ACP5: variants seen among roughly 807,000 people sequenced by gnomAD.
ACP5 encodes acid phosphatase 5, tartrate resistant.
ACP5 carries 24 observed loss-of-function variants against 28.7 expected under a neutral mutation model. The observed-to-expected ratio is 0.84, with a 90% CI of 0.61 to 1.18. ACP5 has a LOEUF of 1.18. Ranked by LOEUF, ACP5 falls within the 50% of genes most tolerant of loss-of-function variation. The probability of loss-of-function intolerance (pLI) is 0.00; values close to 1 mark genes in which losing one functional copy is unlikely to be tolerated. For missense variants in ACP5, 354 were observed against 422.2 expected, an observed-to-expected ratio of 0.84 and a Z score of 1.42; for synonymous variants, 154 against 181.4, an observed-to-expected ratio of 0.85 and a Z score of 1.21.
In ACP5 at chr19:11,577,472, G is replaced by T; in HGVS notation, c.-1+121C>A. On this transcript the variant is annotated intron_variant, in intron 1 of 4. Transcript: ENST00000648477. The surrounding 1 kb of genome is among the most constrained non-coding windows in gnomAD (Gnocchi z 5.7). ...CCCTAATTCTCAGGACACACAAGCT[G>T]CACAAGGCTGCACAAGCTGGCTTAG... The T allele has an allele frequency of 4.9e-6, 4 of 823,286 alleles. No homozygotes were observed. Among genetic ancestry groups the T allele is most frequent in the Non-Finnish European group, 7.9e-6 (4 of 505,478 alleles). The allele number at this position is 823,286 out of a possible 1,614,324, so 51.0% of individuals were successfully genotyped here. A position where few individuals can be genotyped will look rare whatever the true frequency, so the allele number is the denominator to read the frequency against.
intron 4 of ACP5, 48 bp from the exon 5 acceptor site, chr19:11,575,300 G>C: frequency 6.2e-7 from 1 of 1,611,002 alleles, no homozygotes; most frequent in Non-Finnish European, 8.5e-7. Flanking sequence ...TTTGAGCAGA[G>C]CCCTGCCTAA....
chr19:11,576,909 G>A (rs772661435), intron 2 of ACP5, 66 bp from the exon 3 acceptor site: 16 of 1,612,892 alleles, frequency 9.9e-6, no homozygotes, highest in Middle Eastern at 1.7e-4. Context: ...CTCCCACCAA[G>A]TCAGGATAAG....
chr19:11,575,211 C>A lies in ACP5; in HGVS notation c.777G>T (p.Gly259=), dbSNP rs368442469. ...TTGAGGGGTCCATGAAATTCCCAGC[C>A]CCACTCAGCACGTAGCCCACGCCAT... ...DENGVGYVLS[G]AGNFMDPSKR... is the part of the protein sequence containing the mutation. The change falls in exon 5 of 5, where the codon GGG becomes GGT. Residue 259 remains glycine, a synonymous_variant. Coordinates refer to ENST00000648477, the MANE Select transcript of ACP5 (RefSeq NM_001611.5). The A allele has an allele frequency of 2.5e-6, 4 of 1,613,856 alleles. No homozygotes were observed. The African/African-American group carries it at 5.3e-5, about 22-fold the overall frequency.
Position 11,577,196 on chromosome 19 carries a change from G to A in ACP5, c.122C>T (p.Pro41Leu), listed in dbSNP as rs769534166. The A allele has an allele frequency of 2.5e-6, 4 of 1,614,222 alleles. No individual in the cohort carries two copies. The highest frequency in any genetic ancestry group is 8.5e-7 in the Non-Finnish European group (1 of 1,180,038). ...VGDWGGVPNA[P>L]FHTAREMANA... ...GGCCATTTCCCGGGCCGTGTGGAAT[G>A]GGGCATTGGGGACCCCTCCCCAGTC... Residue 41 changes from proline (P) to leucine (L), a missense_variant, in exon 2 of 5, where the codon CCA becomes CTA. By Grantham distance (98) the Pro-to-Leu change is moderately conservative. Transcript: ENST00000648477. The surrounding 1 kb of genome is among the most constrained non-coding windows in gnomAD (Gnocchi z 5.7).
At position 11,576,300 on chromosome 19, in the gene ACP5, T is replaced by G. The variant is rs1257952148; in HGVS notation, c.678A>C (p.Pro226=). ...PTHCLVKQLR[P]LLATYGVTAY... Reference sequence around the variant, plus strand: ...CAGTGACCCCGTATGTGGCCAGCAGTGGCCGTAGCTGCTTGACCAGGCAGT... The same window carrying G: ...CAGTGACCCCGTATGTGGCCAGCAGGGGCCGTAGCTGCTTGACCAGGCAGT... Residue 226 remains proline, a synonymous_variant, in exon 4 of 5, where the codon CCA becomes CCC. Transcript: ENST00000648477. The G allele has an allele frequency of 1.2e-6, 2 of 1,610,984 alleles. No homozygotes were observed. The highest frequency in any genetic ancestry group is 1.7e-5 in the Admixed American group (1 of 59,984).
In ACP5 at chr19:11,577,446, G is replaced by A. The variant is rs963539484; in HGVS notation, c.1-129C>T. ...GCTGCCCCTGCGGGAACCCCTTGGT[G>A]CCCTAATTCTCAGGACACACAAGCT... On this transcript the variant is annotated intron_variant, in intron 1 of 4. Transcript: ENST00000648477. This position sits in a 1 kb window ranked among gnomAD's most constrained non-coding sequence, Gnocchi z 5.7. 29 of 1,066,090 alleles carry A rather than the reference G, an allele frequency of 2.7e-5. 1 individual carries two copies. In the South Asian group the frequency reaches 3.6e-4, roughly 13 times the overall value. 66.0% of individuals were successfully genotyped at this position (1,066,090 alleles called of 1,614,324 possible). A position where few individuals can be genotyped will look rare whatever the true frequency, so the allele number is the denominator to read the frequency against.
chr19:11,575,413 A>G lies in ACP5; in HGVS notation c.736-161T>C, dbSNP rs151037326. The G allele has an allele frequency of 4.5e-4, 382 of 843,538 alleles. 3 individuals carry two copies. The African/African-American group carries it at 5.9e-3, about 13-fold the overall frequency. The allele number at this position is 843,538 out of a possible 1,614,324, so 52.3% of individuals were successfully genotyped here. A position where few individuals can be genotyped will look rare whatever the true frequency, so the allele number is the denominator to read the frequency against. ...TTTAGGAGTGTATTAATCCTATTTC[A>G]TAGGTAGAGCACTTAGTAAGAAATT... On this transcript the variant is annotated intron_variant, in intron 4 of 4. Coordinates refer to ENST00000648477, the MANE Select transcript of ACP5 (RefSeq NM_001611.5).
intron 3 of ACP5, 51 bp downstream of exon 3, chr19:11,576,665 T>C: frequency 6.2e-7 from 1 of 1,613,826 alleles, no homozygotes; most frequent in Non-Finnish European, 8.5e-7. Flanking sequence ...ACAGGGCCCC[T>C]GTGTCCCTGC....
At position 11,577,468 on chromosome 19, in the gene ACP5, A is replaced by AGCTGCACAAG. The variant is rs1419871426; in HGVS notation, c.-1+115_-1+124dup. On this transcript the variant is annotated intron_variant, in intron 1 of 4. Coordinates refer to ENST00000648477, the MANE Select transcript of ACP5 (RefSeq NM_001611.5). The surrounding 1 kb of genome is among the most constrained non-coding windows in gnomAD (Gnocchi z 5.7). The stretch of plus-strand genomic sequence containing the variant: ...GGTGCCCTAATTCTCAGGACACACA[A>AGCTGCACAAG]GCTGCACAAGGCTGCACAAGCTGGC... 1.1e-6 allele frequency: 1 copy of AGCTGCACAAG among 886,782 alleles called. No homozygotes were observed. The highest frequency in any genetic ancestry group is 1.8e-6 in the Non-Finnish European group (1 of 557,788). 54.9% of individuals were successfully genotyped at this position (886,782 alleles called of 1,614,324 possible).
At chr19:11,576,975 T>A (rs763938381) in intron 2 of ACP5, 82 bp downstream of exon 2, 75 of 1,607,194 alleles carry the variant, frequency 4.7e-5, no homozygotes, top group Non-Finnish European at 6.1e-5. Context: ...CCCTCTGCCC[T>A]CACCAAAGGA....
chr19:11,575,385 A>G, intron 4 of ACP5, 133 bp from the exon 5 acceptor site: 1 of 1,098,884 alleles, frequency 9.1e-7, no homozygotes, highest in South Asian at 1.3e-5. Context: ...CAATTTCCTG[A>G]CTTTTAGGAG....
In ACP5 at chr19:11,576,473, T is replaced by C. The variant is rs756292294; in HGVS notation, c.505A>G (p.Ser169Gly). ...TLCGNSDDFLSQQPERPRDVK... is the reference protein window; with the variant it reads ...TLCGNSDDFLGQQPERPRDVK... ...TCTCGGGGCCTCTCAGGCTGCTGGC[T>C]GAGGAAGTCATCTGAGTTGCCACAT... Residue 169 changes from serine to glycine, a missense_variant, in exon 4 of 5, where the codon AGC (serine) becomes GGC (glycine). Transcript: ENST00000648477. The C allele has an allele frequency of 3.1e-6, 5 of 1,614,188 alleles. No individual in the cohort carries two copies. Among genetic ancestry groups the C allele is most frequent in the Non-Finnish European group, 4.2e-6 (5 of 1,180,030 alleles).
At position 11,575,029 on chromosome 19, in the gene ACP5, G is replaced by A. The variant is rs745604493; in HGVS notation, c.959C>T (p.Pro320Leu). 16 of 1,614,112 alleles carry A rather than the reference G, an allele frequency of 9.9e-6. No individual in the cohort carries two copies. Among genetic ancestry groups the A allele is most frequent in the Admixed American group, 3.3e-5 (2 of 60,022 alleles). The change falls in exon 5 of 5, where the codon CCG becomes CTG. Residue 320 changes from proline (P) to leucine (L), a missense_variant. Coordinates refer to ENST00000648477, the MANE Select transcript of ACP5 (RefSeq NM_001611.5). Reference protein sequence around the residue: ...SGKSLFKTRLPRRARP With the variant: ...SGKSLFKTRLLRRARP Reference sequence around the variant, plus strand: ...GGGAGTTCAGGGCCTGGCTCGCCTCGGCAGCCTGGTCTTAAAGAGGGACTT... The same window carrying A: ...GGGAGTTCAGGGCCTGGCTCGCCTCAGCAGCCTGGTCTTAAAGAGGGACTT...
At position 11,576,968 on chromosome 19, in the gene ACP5, T is replaced by G. The variant is rs760461677; in HGVS notation, c.261+89A>C. The G allele has an allele frequency of 3.1e-6, 5 of 1,607,706 alleles. No homozygotes were observed. The South Asian group carries it at 5.5e-5, about 18-fold the overall frequency. Reference sequence around the variant, plus strand: ...CCCAAAGGTGCCCCATCACCTTCCCTCTGCCCTCACCAAAGGAAGGTCACT... The same window carrying G: ...CCCAAAGGTGCCCCATCACCTTCCCGCTGCCCTCACCAAAGGAAGGTCACT... On this transcript the variant is annotated intron_variant, in intron 2 of 4. Coordinates refer to ENST00000648477, the MANE Select transcript of ACP5 (RefSeq NM_001611.5).
chr19:11,574,933 C>T lies in ACP5; in HGVS notation c.*77G>A. 1.3e-6 allele frequency: 2 copies of T among 1,569,144 alleles called. No individual in the cohort carries two copies. The highest frequency in any genetic ancestry group is 1.8e-6 in the Non-Finnish European group (2 of 1,142,156). On this transcript the variant is annotated 3_prime_UTR_variant, in exon 5 of 5. Transcript: ENST00000648477. ...CGCCACAGGTTGGAGGAAAAGCCTG[C>T]CTGTGAGCAGGGTCCCGGCAGGGCC...
chr19:11,576,190 C>G (rs1348843130), intron 4 of ACP5, 53 bp downstream of exon 4: 2 of 1,521,492 alleles, frequency 1.3e-6, no homozygotes, highest in Non-Finnish European at 1.8e-6. Context: ...TGGACATCAG[C>G]TGGGATGGGG....
At position 11,574,760 on chromosome 19, in the gene ACP5, A is replaced by G. The variant is rs549276578; in HGVS notation, c.*250T>C. ...CCTCCCTCCCCCATTGCACCCCGGA[A>G]CTCAGCAAAGGTGAGCCAGCCACAG... On this transcript the variant is annotated 3_prime_UTR_variant, in exon 5 of 5. Coordinates refer to ENST00000648477, the MANE Select transcript of ACP5 (RefSeq NM_001611.5). 2 of 457,260 alleles carry G rather than the reference A, an allele frequency of 4.4e-6. No homozygotes were observed. The highest frequency in any genetic ancestry group is 2.0e-5 in the South Asian group (1 of 48,890). 28.3% of individuals were successfully genotyped at this position (457,260 alleles called of 1,614,324 possible).
chr19:11,575,198 T>C lies in ACP5; in HGVS notation c.790A>G (p.Met264Val). ...CGCTGGTGCCGCTTTGAGGGGTCCA[T>C]GAAATTCCCAGCCCCACTCAGCACG... The part of the protein sequence containing the change: ...GYVLSGAGNF[M>V]DPSKRHQRKV... The change falls in exon 5 of 5, where the codon ATG becomes GTG. Residue 264 changes from methionine to valine, a missense_variant. Coordinates refer to ENST00000648477, the MANE Select transcript of ACP5 (RefSeq NM_001611.5). 1 of 1,614,028 alleles carries C rather than the reference T, an allele frequency of 6.2e-7. No homozygotes were observed. The highest frequency in any genetic ancestry group is 8.5e-7 in the Non-Finnish European group (1 of 1,180,016).
At chr19:11,577,679 C>T, upstream of ACP5, 1 of 392,064 alleles carries the variant, frequency 2.6e-6, no homozygotes, top group Non-Finnish European at 4.8e-6. This position sits in a 1 kb window ranked among gnomAD's most constrained non-coding sequence, Gnocchi z 5.7. Context: ...GCCTTTATTC[C>T]CTGAGGAGGA....
Sources: gnomAD v4.1 joint callset for allele counts on GRCh38, gnomAD v4.1.1 for gene constraint, Gnocchi (gnomAD v3.1) non-coding constraint, MANE v1.5 for transcripts, NCBI Gene and HGNC (gene_info 2026-07-23, HGNC 2026-07-21) for gene names.